Variants in HPS4 observed in about 807,000 individuals in gnomAD.
The protein encoded by HPS4 is HPS4 biogenesis of lysosomal organelles complex 3 subunit 2.
Under a neutral mutation model 70.3 loss-of-function variants are expected in HPS4, and 44 were observed. The observed-to-expected ratio is 0.63, with a 90% confidence interval of 0.49 to 0.80. HPS4 has a LOEUF of 0.80. HPS4 is among the 30% of genes least tolerant of loss of function. HPS4 has a pLI of 0.00. For synonymous variants in HPS4, 377 were observed against 355.9 expected (o/e 1.06, Z -0.67); for missense variants, 873 against 884.4 (o/e 0.99, Z 0.16).
At chr22:26,467,567 T>C (rs2088897071) in intron 8 of HPS4, 1 of 152,258 alleles carries the variant, frequency 6.6e-6, no homozygotes, top group South Asian at 2.1e-4. Context: ...GTTCTCATTA[T>C]CAAAGTGTTT....
In HPS4 at chr22:26,453,336, G is replaced by C. The variant is rs749689033; in HGVS notation, c.2024C>G (p.Pro675Arg). The stretch of plus-strand genomic sequence containing the variant: ...TGGGAAGCCGGAGCTCCGTGCTGCA[G>C]GTGCCAGCTGCTGGAAATATGTCTC... ...IQETYFQQLA[P>R]AARSSGFPNP... The change falls in exon 14 of 14, where the codon CCT becomes CGT. Residue 675 changes from proline to arginine, a missense_variant. By Grantham distance (103) the Pro-to-Arg change is moderately radical. Transcript: ENST00000398145. 1 of 1,614,204 alleles carries C rather than the reference G, an allele frequency of 6.2e-7. No individual in the cohort carries two copies. Among genetic ancestry groups the C allele is most frequent in the South Asian group, 1.1e-5 (1 of 91,080 alleles).
Position 26,457,916 on chromosome 22 carries a change from A to G in HPS4, c.1898T>C (p.Val633Ala). 2.5e-6 allele frequency: 4 copies of G among 1,614,180 alleles called. No homozygotes were observed. The highest frequency in any genetic ancestry group is 3.4e-6 in the Non-Finnish European group (4 of 1,180,038). Residue 633 changes from valine to alanine, a missense_variant, in exon 13 of 14, where the codon GTC (valine) becomes GCC (alanine). Val to Ala is a moderately conservative substitution (Grantham distance 64). Transcript: ENST00000398145. ...GGCAAATTCGCTATGCATCAGGCTG[A>G]CGGCCTGGAGGAAGCGGCGATCCTG... is the stretch of plus-strand genomic sequence containing the variant. ...TPQDRRFLQA[V>A]SLMHSEFAQL...
Position 26,464,112 on chromosome 22 carries a change from C to T in HPS4, c.1518G>A (p.Leu506=). Residue 506 remains leucine (L), a synonymous_variant, in exon 11 of 14, where the codon CTG becomes CTA. Coordinates refer to ENST00000398145, the MANE Select transcript of HPS4 (RefSeq NM_022081.6). ...GVCESHAAPG[L]ECSSGSANCQ... Reference sequence around the variant, plus strand: ...AGTTTGCTGAGCCTGAACTGCATTCCAGACCAGGGGCTGCGTGGCTTTCAC... The same window carrying T: ...AGTTTGCTGAGCCTGAACTGCATTCTAGACCAGGGGCTGCGTGGCTTTCAC... The T allele has an allele frequency of 6.2e-7, 1 of 1,614,288 alleles. No homozygotes were observed. Among genetic ancestry groups the T allele is most frequent in the Non-Finnish European group, 8.5e-7 (1 of 1,180,052 alleles).
Position 26,464,735 on chromosome 22 carries a change from C to T in HPS4, c.895G>A (p.Gly299Ser). The T allele has an allele frequency of 6.3e-7, 1 of 1,593,440 alleles. No homozygotes were observed. The highest frequency in any genetic ancestry group is 2.2e-5 in the East Asian group (1 of 44,614). The change falls in exon 11 of 14, where the codon GGC becomes AGC. Residue 299 changes from glycine (G) to serine (S), a missense_variant. Coordinates refer to ENST00000398145, the MANE Select transcript of HPS4 (RefSeq NM_022081.6). ...STSALKENAT[G>S]HVESMAWTTP... ...GTCCAGGCCATGGATTCCACATGGC[C>T]AGTGGCGTTTTCTTTCAGGGCAGAT...
In HPS4 at chr22:26,464,011, C is replaced by T; in HGVS notation, c.1619G>A (p.Arg540Lys). 6.2e-7 allele frequency: 1 copy of T among 1,614,246 alleles called. No individual in the cohort carries two copies. Among genetic ancestry groups the T allele is most frequent in the Non-Finnish European group, 8.5e-7 (1 of 1,180,042 alleles). The change falls in exon 11 of 14, where the codon AGG (arginine) becomes AAG (lysine). Residue 540 changes from arginine to lysine, a missense_variant. Physicochemically the swap from Arg to Lys is conservative, Grantham distance 26. Coordinates refer to ENST00000398145, the MANE Select transcript of HPS4 (RefSeq NM_022081.6). ...TPAESCMGLV[R>K]MNLYTHCVKG... Reference sequence around the variant, plus strand: ...GACGCAGTGAGTGTAGAGATTCATCCTCACGAGCCCCATGCAGGACTCTGC... The same window carrying T: ...GACGCAGTGAGTGTAGAGATTCATCTTCACGAGCCCCATGCAGGACTCTGC...
At chr22:26,471,320 T>C in intron 6 of HPS4, 1 of 455,122 alleles carries the variant, frequency 2.2e-6, no homozygotes, top group Non-Finnish European at 4.4e-6. Flanking sequence ...GAAAACATCA[T>C]GCTCTTTCAC....
At chr22:26,473,053 T>C (rs917287254) in intron 4 of HPS4, 114 bp from the exon 5 acceptor site, 3 of 843,230 alleles carry the variant, frequency 3.6e-6, no homozygotes, top group African/African-American at 3.4e-5. Context: ...TCGAAATTGA[T>C]CTTCTATTGT....
rs1476853298 is a variant in HPS4 at position 26,451,956 on chromosome 22, A to G, written c.*1277T>C. On this transcript the variant is annotated 3_prime_UTR_variant, in exon 14 of 14. Coordinates refer to ENST00000398145, the MANE Select transcript of HPS4 (RefSeq NM_022081.6). Reference sequence around the variant, plus strand: ...GTCCTTACCCAGCCACACTGAACCCAGGGAAGGAAAAGAGGGATGCGCCCA... The same window carrying G: ...GTCCTTACCCAGCCACACTGAACCCGGGGAAGGAAAAGAGGGATGCGCCCA... 5.3e-6 allele frequency: 1 copy of G among 190,152 alleles called. No individual in the cohort carries two copies. The highest frequency in any genetic ancestry group is 1.1e-5 in the Non-Finnish European group (1 of 92,870). 11.8% of individuals were successfully genotyped at this position (190,152 alleles called of 1,614,324 possible). A position where few individuals can be genotyped will look rare whatever the true frequency, so the allele number is the denominator to read the frequency against.
At chr22:26,446,894 A>C (rs958661698), downstream of HPS4, among the ~76,000 whole-genome samples, 1 of 152,064 alleles carries the variant, frequency 6.6e-6, no homozygotes, top group African/African-American at 2.4e-5. Flanking sequence ...CGCCTGGCTA[A>C]TTCTTGTATT....
intron 7 of HPS4, among the ~76,000 whole-genome samples, chr22:26,470,212 A>G (rs1293331059): frequency 6.6e-6 from 1 of 152,246 alleles, no homozygotes; most frequent in Non-Finnish European, 1.5e-5. Context: ...CCCTCCAACT[A>G]CATGAAGAAG....
intron 6 of HPS4, among the ~76,000 whole-genome samples, chr22:26,471,684 C>G (rs953499234): frequency 1.1e-4 from 17 of 152,192 alleles, no homozygotes; most frequent in African/African-American, 4.1e-4. Context: ...TCTGTGAAGG[C>G]TGAGCCACAG....
chr22:26,477,238 AC>A, intron 3 of HPS4, 102 bp from the exon 4 acceptor site: 1 of 1,262,556 alleles, frequency 7.9e-7, no homozygotes, highest in Non-Finnish European at 1.2e-6. Context: ...CCAGTCTGTT[AC>A]CCGTTTTCCT....
chr22:26,462,342 C>T (rs1228682893), intron 11 of HPS4, among the ~76,000 whole-genome samples: 2 of 152,186 alleles, frequency 1.3e-5, no homozygotes, highest in Admixed American at 6.5e-5. Flanking sequence ...TCTTCAGCTT[C>T]CCAGCTATCA....
At chr22:26,483,861 T>C, upstream of HPS4, 1 of 1,327,118 alleles carries the variant, frequency 7.5e-7, no homozygotes, top group East Asian at 3.1e-5. Flanking sequence ...ACGTGCCGAG[T>C]GCGCCGCACG....
At chr22:26,443,201 C>G, downstream of HPS4, 1 of 1,613,778 alleles carries the variant, frequency 6.2e-7, no homozygotes, top group Non-Finnish European at 8.5e-7. Context: ...TGCTCCGGGA[C>G]GATGAGAGTA....
At chr22:26,446,433 G>A (rs2084955355), downstream of HPS4, among the ~76,000 whole-genome samples, 1 of 152,168 alleles carries the variant, frequency 6.6e-6, no homozygotes, top group African/African-American at 2.4e-5. Context: ...GTCCTTGACT[G>A]TGGCTGCACG....
chr22:26,479,687 G>T (rs550548698), intron 2 of HPS4: 1 of 1,146,136 alleles, frequency 8.7e-7, no homozygotes, highest in African/African-American at 1.6e-5. Context: ...GGTCTGATAC[G>T]CTGTCTTTTA....
intron 7 of HPS4, among the ~76,000 whole-genome samples, chr22:26,470,032 G>A (rs774481701): frequency 1.3e-5 from 2 of 152,264 alleles, no homozygotes; most frequent in African/African-American, 2.4e-5. Context: ...AAGGGCCCCT[G>A]CGAGAGCCTC....
chr22:26,455,635 T>C (rs2085973418), intron 13 of HPS4, among the ~76,000 whole-genome samples: 1 of 147,074 alleles, frequency 6.8e-6, no homozygotes, highest in South Asian at 2.3e-4. Context: ...TAATGCTAAA[T>C]GACGAGTTAA....
Sources: allele counts gnomAD v4.1 joint callset (sites outside exome capture counted in the v4.1 genomes callset), GRCh38; gene constraint gnomAD v4.1.1; transcripts MANE v1.5; gene names NCBI Gene and HGNC (gene_info 2026-07-23, HGNC 2026-07-21).